KCNQ3: variants seen among roughly 807,000 people sequenced by gnomAD.
The protein encoded by KCNQ3 is potassium voltage-gated channel subfamily Q member 3.
Under a neutral mutation model 92.5 loss-of-function variants are expected in KCNQ3, and 30 were observed. That is an observed-to-expected ratio of 0.32 (90% confidence interval 0.24 to 0.44). The LOEUF (loss-of-function observed/expected upper bound fraction) is 0.44, where lower values mean the gene tolerates loss of function less well. Ranked by LOEUF, KCNQ3 falls within the 20% of genes least tolerant of loss-of-function variation. The pLI is 1.00. For synonymous variants in KCNQ3, 450 were observed against 468.8 expected, an observed-to-expected ratio of 0.96 and a Z score of 0.52; for missense variants, 913 against 1,140.3, an observed-to-expected ratio of 0.80 and a Z score of 2.87.
chr8:132,390,407 A>G (rs2673588), intron 1 of KCNQ3, among the ~76,000 whole-genome samples: 127,281 of 152,054 alleles, frequency 0.84, 53,579 homozygotes, highest in Middle Eastern at 0.94. Context: ...TTCTCTTTAC[A>G]GTAATTCAGC....
chr8:132,426,858 C>A (rs923641103), intron 1 of KCNQ3, among the ~76,000 whole-genome samples: 1 of 152,330 alleles, frequency 6.6e-6, no homozygotes, highest in African/African-American at 2.4e-5. Context: ...TTCCCTCCCA[C>A]TTCCTCACTT....
intron 1 of KCNQ3, among the ~76,000 whole-genome samples, chr8:132,207,469 T>G (rs1221611326): frequency 6.6e-6 from 1 of 152,136 alleles, no homozygotes; most frequent in Non-Finnish European, 1.5e-5. Flanking sequence ...AAACGGAAAC[T>G]AGAATTCTCA....
rs1294154222 is a variant in KCNQ3 at position 132,168,777 on chromosome 8, GTGTT to G, written c.1235+1553_1235+1556del. 5.5e-5 allele frequency among the ~76,000 whole-genome samples: 5 copies of G among 91,106 alleles called. No individual in the cohort carries two copies. In the East Asian group the frequency reaches 1.4e-3, roughly 25 times the overall value. The allele number at this position is 91,106 out of a possible 152,430, so 59.8% of individuals were successfully genotyped here. A position where few individuals can be genotyped will look rare whatever the true frequency, so the allele number is the denominator to read the frequency against. On this transcript the variant is annotated intron_variant, in intron 8 of 14. Transcript: ENST00000388996. ...TGTGTGTGTGTGTGTGTGTGTGTGT[GTGTT>G]TGCAGAGGAGTTGTGGCTGGGCACA...
intron 4 of KCNQ3, among the ~76,000 whole-genome samples, chr8:132,176,120 G>A (rs1826544008): frequency 6.6e-6 from 1 of 152,156 alleles, no homozygotes; most frequent in Non-Finnish European, 1.5e-5. Context: ...AAGGGACAGA[G>A]CCACAGAGTT....
At chr8:132,160,634 T>C (rs1825955704) in intron 9 of KCNQ3, among the ~76,000 whole-genome samples, 1 of 149,310 alleles carries the variant, frequency 6.7e-6, no homozygotes, top group South Asian at 2.1e-4. Context: ...TTCAAATCAG[T>C]TTATTGAAAA....
intron 1 of KCNQ3, among the ~76,000 whole-genome samples, chr8:132,216,309 C>T (rs1340659087): frequency 3.9e-5 from 6 of 152,212 alleles, no homozygotes; most frequent in Non-Finnish European, 7.3e-5. Context: ...GTTTTGAGCG[C>T]GTGATATTCT....
intron 1 of KCNQ3, among the ~76,000 whole-genome samples, chr8:132,465,613 A>G (rs1822154301): frequency 6.6e-6 from 1 of 152,142 alleles, no homozygotes; most frequent in Non-Finnish European, 1.5e-5. Flanking sequence ...GTGTGGTGGC[A>G]GGCGCCTGTG....
intron 9 of KCNQ3, among the ~76,000 whole-genome samples, chr8:132,152,100 C>T (rs142517309): frequency 2.2e-4 from 33 of 152,228 alleles, no homozygotes; most frequent in Admixed American, 3.9e-4. Context: ...TTTCAAAAGA[C>T]GGTTTATAAT....
chr8:132,434,341 T>G (rs1780161670), intron 1 of KCNQ3, among the ~76,000 whole-genome samples: 1 of 152,230 alleles, frequency 6.6e-6, no homozygotes, highest in South Asian at 2.1e-4. Context: ...TATCACTGCT[T>G]AACATACTAT....
chr8:132,355,813 A>G (rs181670548), intron 1 of KCNQ3, among the ~76,000 whole-genome samples: 2 of 152,340 alleles, frequency 1.3e-5, no homozygotes, highest in African/African-American at 2.4e-5. Context: ...GTCTAGGCTT[A>G]CTGGACCTCT....
intron 1 of KCNQ3, among the ~76,000 whole-genome samples, chr8:132,435,718 A>T (rs1220279727): frequency 6.6e-6 from 1 of 151,888 alleles, no homozygotes; most frequent in African/African-American, 2.4e-5. Context: ...TATTTATTTA[A>T]TTATTTTATT....
At chr8:132,472,180 C>T (rs936139951) in intron 1 of KCNQ3, among the ~76,000 whole-genome samples, 2 of 152,056 alleles carry the variant, frequency 1.3e-5, no homozygotes, top group Non-Finnish European at 2.9e-5. Context: ...ATTAGTACAG[C>T]CACTATGGAA....
intron 1 of KCNQ3, among the ~76,000 whole-genome samples, chr8:132,261,339 GC>G (rs1815778787): frequency 2.0e-5 from 3 of 152,290 alleles, no homozygotes; most frequent in South Asian, 4.1e-4. Context: ...AGTCAAGGCT[GC>G]GTGCCTCACC....
intron 1 of KCNQ3, among the ~76,000 whole-genome samples, chr8:132,232,604 T>C (rs16904631): frequency 0.075 from 11,380 of 152,316 alleles, 547 homozygotes; most frequent in South Asian, 0.15. Context: ...TAGTAAGCAC[T>C]TGGTCAACAT....
At chr8:132,136,101 A>AGAGT (rs1381986224) in intron 12 of KCNQ3, among the ~76,000 whole-genome samples, 3 of 133,480 alleles carry the variant, frequency 2.2e-5, no homozygotes, top group Non-Finnish European at 4.7e-5. Context: ...CCTGGGTGAC[A>AGAGT]GAGTGAGACT....
intron 1 of KCNQ3, among the ~76,000 whole-genome samples, chr8:132,443,618 G>C (rs1214937749): frequency 1.3e-5 from 2 of 152,120 alleles, no homozygotes; most frequent in Non-Finnish European, 1.5e-5. Context: ...AGATACACAA[G>C]GCTGATTTGG....
Position 132,480,453 on chromosome 8 carries a change from T to A in KCNQ3, c.80A>T (p.Asn27Ile). The change falls in exon 1 of 15, where the codon AAC (asparagine) becomes ATC (isoleucine). Residue 27 changes from asparagine to isoleucine, a missense_variant. Transcript: ENST00000388996. Reference protein sequence around the residue: ...DGGGGGGGAANPAGGDAAAAG... With the variant: ...DGGGGGGGAAIPAGGDAAAAG... ...CGCCGCCGCGTCCCCTCCGGCTGGG[T>A]TAGCCGCCCCGCCGCCTCCGCCGCC... The A allele has an allele frequency of 7.6e-7, 1 of 1,314,472 alleles. No homozygotes were observed. Among genetic ancestry groups the A allele is most frequent in the Non-Finnish European group, 9.7e-7 (1 of 1,034,904 alleles). The allele number at this position is 1,314,472 out of a possible 1,614,324, so 81.4% of individuals were successfully genotyped here.
intron 1 of KCNQ3, among the ~76,000 whole-genome samples, chr8:132,259,122 C>A (rs1370784678): frequency 6.6e-6 from 1 of 151,912 alleles, no homozygotes; most frequent in South Asian, 2.1e-4. Flanking sequence ...ATTCTCCACA[C>A]CAGGAAAAAG....
At chr8:132,221,417 T>C (rs770557503) in intron 1 of KCNQ3, among the ~76,000 whole-genome samples, 11 of 152,342 alleles carry the variant, frequency 7.2e-5, no homozygotes, top group Admixed American at 5.2e-4. Context: ...GTTGAACTAG[T>C]TTACAGTCCC....
Sources: gnomAD v4.1 joint callset for allele counts (sites outside exome capture counted in the v4.1 genomes callset) on GRCh38, gnomAD v4.1.1 for gene constraint, MANE v1.5 for transcripts, NCBI Gene and HGNC (gene_info 2026-07-23, HGNC 2026-07-21) for gene names.